Variants in IQCK observed in about 807,000 individuals in gnomAD.
IQCK encodes the protein IQ motif containing K, also known as IQ domain-containing protein K.
IQCK carries 29 observed loss-of-function variants against 28.1 expected under a neutral mutation model. The ratio of observed to expected loss-of-function variants is 1.03; its 90% CI spans 0.77 to 1.41. IQCK has a LOEUF of 1.41. IQCK is among the 40% of genes most tolerant of loss of function. The pLI, the probability that IQCK is intolerant of heterozygous loss-of-function variation, is 0.00. For synonymous variants in IQCK, 113 were observed against 115.1 expected (o/e 0.98, Z 0.12); for missense variants, 359 against 314.7 (o/e 1.14, Z -1.07).
downstream of IQCK, among the ~76,000 whole-genome samples, chr16:19,828,527 C>T (rs529643810): frequency 9.2e-5 from 14 of 152,046 alleles, 1 homozygote; most frequent in East Asian, 3.9e-4. Flanking sequence ...CATGAGCCAC[C>T]GTGCCCAACC....
At chr16:19,746,153 CAAAAAAAA>C (rs1163809152) in intron 4 of IQCK, among the ~76,000 whole-genome samples, 2 of 57,946 alleles carry the variant, frequency 3.5e-5, no homozygotes, top group Non-Finnish European at 7.7e-5. Flanking sequence ...GACTATGTCT[CAAAAAAAA>C]AAAAAAAAAA....
chr16:19,849,362 C>T (rs1359841498), intron 9 of IQCK, among the ~76,000 whole-genome samples: 1 of 151,262 alleles, frequency 6.6e-6, no homozygotes, highest in Admixed American at 6.6e-5. Context: ...AGGGCAGTTA[C>T]ACTTAAGTGA....
chr16:19,745,509 T>C (rs777412483), intron 4 of IQCK, among the ~76,000 whole-genome samples: 8 of 152,054 alleles, frequency 5.3e-5, no homozygotes, highest in East Asian at 1.9e-4. Context: ...TTAAAAGCAG[T>C]TGGAAGTAAT....
chr16:19,772,166 A>G (rs1342662436), intron 6 of IQCK, among the ~76,000 whole-genome samples: 1 of 152,226 alleles, frequency 6.6e-6, no homozygotes, highest in Non-Finnish European at 1.5e-5. Context: ...AGAATGTCTT[A>G]CATTTTTAAA....
At chr16:19,733,287 G>C (rs531906797) in intron 2 of IQCK, among the ~76,000 whole-genome samples, 1 of 151,910 alleles carries the variant, frequency 6.6e-6, no homozygotes, top group Non-Finnish European at 1.5e-5. Flanking sequence ...ACAGGCGCCC[G>C]CCACCACGCC....
At chr16:19,805,788 C>T (rs1249779492) in intron 7 of IQCK, among the ~76,000 whole-genome samples, 1 of 152,024 alleles carries the variant, frequency 6.6e-6, no homozygotes, top group East Asian at 1.9e-4. Context: ...AGCCATGCCA[C>T]ATGGGAGACA....
At chr16:19,752,957 C>G (rs369882772) in intron 4 of IQCK, among the ~76,000 whole-genome samples, 1 of 152,190 alleles carries the variant, frequency 6.6e-6, no homozygotes, top group Non-Finnish European at 1.5e-5. Flanking sequence ...TGTTCTCTCT[C>G]TTCTTCTCTT....
intron 7 of IQCK, among the ~76,000 whole-genome samples, chr16:19,819,205 A>C (rs1215727066): frequency 1.3e-5 from 2 of 152,090 alleles, no homozygotes; most frequent in East Asian, 3.9e-4. Context: ...TTCAAATTCC[A>C]CAGGGGGCTG....
At chr16:19,734,459 CAAAAA>C (rs34178017) in intron 3 of IQCK, among the ~76,000 whole-genome samples, 6 of 50,260 alleles carry the variant, frequency 1.2e-4, no homozygotes, top group Non-Finnish European at 9.7e-5. Flanking sequence ...GACTCCATCA[CAAAAA>C]AAAAAAAAAA....
chr16:19,847,266 G>T (rs2056424711), intron 9 of IQCK, among the ~76,000 whole-genome samples: 1 of 152,138 alleles, frequency 6.6e-6, no homozygotes, highest in South Asian at 2.1e-4. Context: ...ACTCTTTGAG[G>T]ATCTGACTAA....
chr16:19,829,607 G>T (rs570851233), downstream of IQCK, among the ~76,000 whole-genome samples: 1 of 152,268 alleles, frequency 6.6e-6, no homozygotes, highest in Non-Finnish European at 1.5e-5. Flanking sequence ...AAAGTGCTGG[G>T]ATTACAGGCA....
At chr16:19,836,822 G>T (rs1015832150) in intron 9 of IQCK, among the ~76,000 whole-genome samples, 2 of 152,144 alleles carry the variant, frequency 1.3e-5, no homozygotes, top group African/African-American at 4.8e-5. Flanking sequence ...GATGCGGAAT[G>T]CTTTTGAAGG....
At chr16:19,734,046 A>G (rs1195716533) in intron 3 of IQCK, 2 of 470,514 alleles carry the variant, frequency 4.3e-6, no homozygotes, top group Non-Finnish European at 7.4e-6. Flanking sequence ...GCATACTTTG[A>G]TTTTACATTA....
chr16:19,810,138 G>A (rs2055883952), intron 7 of IQCK, among the ~76,000 whole-genome samples: 1 of 152,072 alleles, frequency 6.6e-6, no homozygotes. Flanking sequence ...TCAAGTGCTG[G>A]CTACAGTATG....
chr16:19,730,301 GT>G (rs1162336752), intron 1 of IQCK, 128 bp from the exon 2 acceptor site: 1 of 631,826 alleles, frequency 1.6e-6, no homozygotes, highest in African/African-American at 1.9e-5. Flanking sequence ...GTCATGGCCA[GT>G]TGTTTTTTCA....
intron 6 of IQCK, among the ~76,000 whole-genome samples, chr16:19,768,282 G>C (rs1300789502): frequency 6.6e-6 from 1 of 152,166 alleles, no homozygotes; most frequent in Non-Finnish European, 1.5e-5. Context: ...GATTATATGA[G>C]TATTATGGAT....
intron 2 of IQCK, among the ~76,000 whole-genome samples, chr16:19,730,763 T>C (rs1597499543): frequency 1.3e-5 from 1 of 77,766 alleles, no homozygotes; most frequent in African/African-American, 2.3e-4. Flanking sequence ...CTATCTTATC[T>C]TATCTATCTA....
At chr16:19,806,170 A>G (rs979774773) in intron 7 of IQCK, among the ~76,000 whole-genome samples, 3 of 152,184 alleles carry the variant, frequency 2.0e-5, no homozygotes, top group Non-Finnish European at 4.4e-5. Flanking sequence ...AAAGGCCTGC[A>G]GGAGCAGGAG....
At chr16:19,735,432 G>A (rs1168001992) in exon 4 of IQCK, 1 of 1,612,824 alleles carries the variant, frequency 6.2e-7, no homozygotes, top group Non-Finnish European at 8.5e-7. Context: ...ACCAAGCGAA[G>A]AAAGAAAAAT....
Sources: allele counts gnomAD v4.1 joint callset (sites outside exome capture counted in the v4.1 genomes callset), GRCh38; gene constraint gnomAD v4.1.1; transcripts MANE v1.5; gene names NCBI Gene and HGNC (gene_info 2026-07-23, HGNC 2026-07-21).